GPC5: variants seen among roughly 807,000 people sequenced by gnomAD.
The protein encoded by GPC5 is glypican-5.
GPC5 carries 47 observed loss-of-function variants against 53.9 expected under a neutral mutation model. That is an observed-to-expected ratio of 0.87 (90% CI 0.69 to 1.11). The LOEUF (loss-of-function observed/expected upper bound fraction) is 1.11, where lower values mean the gene tolerates loss of function less well. Among genes scored for constraint, GPC5 ranks in the 50% most tolerant of loss-of-function variants. GPC5 has a pLI of 0.00. For synonymous variants in GPC5, 286 were observed against 263.3 expected, an observed-to-expected ratio of 1.09 and a Z score of -0.84; for missense variants, 748 against 713.1, an observed-to-expected ratio of 1.05 and a Z score of -0.56.
chr13:92,150,967 A>G (rs887309747), intron 7 of GPC5, among the ~76,000 whole-genome samples: 4 of 152,054 alleles, frequency 2.6e-5, no homozygotes, highest in African/African-American at 9.7e-5. Flanking sequence ...ATAGCTATCA[A>G]CAAAACCAGA....
At chr13:92,047,491 A>G (rs1466666199) in intron 6 of GPC5, among the ~76,000 whole-genome samples, 2 of 150,942 alleles carry the variant, frequency 1.3e-5, no homozygotes, top group African/African-American at 2.4e-5. Context: ...TGTATCTCCC[A>G]TATATTCTGA....
At chr13:91,665,362 T>G (rs1003383896) in intron 2 of GPC5, among the ~76,000 whole-genome samples, 4 of 152,232 alleles carry the variant, frequency 2.6e-5, no homozygotes, top group Admixed American at 6.5e-5. Flanking sequence ...CTAACTGGAA[T>G]GAGTTCAAGC....
At chr13:91,948,597 A>G (rs111567188) in intron 6 of GPC5, among the ~76,000 whole-genome samples, 3,215 of 152,286 alleles carry the variant, frequency 0.021, 99 homozygotes, top group African/African-American at 0.073. Flanking sequence ...TCACTTTTTA[A>G]ATGATGTTTA....
intron 7 of GPC5, among the ~76,000 whole-genome samples, chr13:92,776,676 G>A (rs1049732065): frequency 2.0e-5 from 3 of 151,988 alleles, no homozygotes; most frequent in African/African-American, 7.3e-5. Flanking sequence ...TTCTAATTGT[G>A]GGGGAATGTT....
intron 7 of GPC5, among the ~76,000 whole-genome samples, chr13:92,666,521 A>G (rs560583066): frequency 5.3e-5 from 8 of 151,974 alleles, no homozygotes; most frequent in Admixed American, 1.3e-4. Context: ...ATACATAATC[A>G]ATATGTTTAT....
chr13:91,478,822 T>TATATATATATATATATACAC lies in GPC5; in HGVS notation c.325+29901_325+29902insTATATATATATATATACACA, dbSNP rs1323023652. Reference sequence around the variant, plus strand: ...ATATATATATATATATATATATATATACACACACACACATATATATACACA... The same window carrying TATATATATATATATATACAC: ...ATATATATATATATATATATATATATATATATATATATATATACACACACACACACACATATATATACACA... On this transcript the variant is annotated intron_variant, in intron 2 of 7. Coordinates refer to ENST00000377067, the MANE Select transcript of GPC5 (RefSeq NM_004466.6). 6.7e-4 allele frequency among the ~76,000 whole-genome samples: 62 copies of TATATATATATATATATACAC among 92,144 alleles called. 2 individuals are homozygous for TATATATATATATATATACAC. The highest frequency in any genetic ancestry group is 2.8e-3 in the African/African-American group (55 of 19,338). The allele number at this position is 92,144 out of a possible 152,430, so 60.5% of individuals were successfully genotyped here. A position where few individuals can be genotyped will look rare whatever the true frequency, so the allele number is the denominator to read the frequency against.
At chr13:91,896,336 G>T (rs1474227640) in intron 5 of GPC5, among the ~76,000 whole-genome samples, 1 of 152,032 alleles carries the variant, frequency 6.6e-6, no homozygotes, top group African/African-American at 2.4e-5. Flanking sequence ...AGCCAGGATG[G>T]TCTGAATCTC....
intron 7 of GPC5, among the ~76,000 whole-genome samples, chr13:92,289,335 T>C (rs2042978127): frequency 1.3e-5 from 2 of 151,448 alleles, no homozygotes; most frequent in Admixed American, 1.3e-4. Context: ...CTTTCTATAA[T>C]AATGATAATT....
chr13:92,430,055 A>G (rs1373518048), intron 7 of GPC5, among the ~76,000 whole-genome samples: 4 of 152,044 alleles, frequency 2.6e-5, no homozygotes, highest in Non-Finnish European at 5.9e-5. Flanking sequence ...ATGTATAACT[A>G]TTTCAGAACA....
chr13:92,219,093 G>C (rs1378697007), intron 7 of GPC5, among the ~76,000 whole-genome samples: 1 of 151,974 alleles, frequency 6.6e-6, no homozygotes, highest in East Asian at 1.9e-4. Flanking sequence ...CTTTCCTCCT[G>C]TTTTCTCCCA....
At chr13:92,055,633 C>T (rs2041068354) in intron 6 of GPC5, among the ~76,000 whole-genome samples, 2 of 152,164 alleles carry the variant, frequency 1.3e-5, no homozygotes, top group African/African-American at 4.8e-5. Context: ...TCATACCAAA[C>T]AATTTTGAGT....
chr13:92,297,309 C>T (rs1056539697), intron 7 of GPC5, among the ~76,000 whole-genome samples: 18 of 147,860 alleles, frequency 1.2e-4, no homozygotes, highest in African/African-American at 4.0e-4. Context: ...ATATACCAAT[C>T]GGCACTCTGT....
chr13:92,619,648 A>C (rs2139112487), intron 7 of GPC5, among the ~76,000 whole-genome samples: 1 of 152,150 alleles, frequency 6.6e-6, no homozygotes, highest in Admixed American at 6.5e-5. Flanking sequence ...TATTAATGAT[A>C]AAAAATGATT....
At position 91,604,560 on chromosome 13, in the gene GPC5, G is replaced by C. The variant is rs865818101; in HGVS notation, c.326-88627G>C. On this transcript the variant is annotated intron_variant, in intron 2 of 7. Coordinates refer to ENST00000377067, the MANE Select transcript of GPC5 (RefSeq NM_004466.6). ...TCCACAATGGTTGAACTAGTTTACA[G>C]TCCCACCAACAGTGTAAAAGTGTTC... is the stretch of plus-strand genomic sequence containing the variant. Among the ~76,000 whole-genome samples the C allele has an allele frequency of 6.8e-3, 946 of 138,738 alleles. 4 individuals carry two copies. The highest frequency in any genetic ancestry group is 0.015 in the African/African-American group (552 of 36,554). The allele number at this position is 138,738 out of a possible 152,430, so 91.0% of individuals were successfully genotyped here.
At chr13:91,470,392 C>A (rs1882539487) in intron 2 of GPC5, among the ~76,000 whole-genome samples, 1 of 151,988 alleles carries the variant, frequency 6.6e-6, no homozygotes, top group South Asian at 2.1e-4. Flanking sequence ...GGGGATTAGA[C>A]TGATATCAGT....
intron 7 of GPC5, among the ~76,000 whole-genome samples, chr13:92,657,756 C>T (rs1481037588): frequency 1.3e-5 from 2 of 151,906 alleles, no homozygotes; most frequent in African/African-American, 4.8e-5. Flanking sequence ...GATAAGTCTG[C>T]AGAAAACAGG....
chr13:92,398,275 A>G (rs1672107756), intron 7 of GPC5, among the ~76,000 whole-genome samples: 1 of 150,632 alleles, frequency 6.6e-6, no homozygotes. Flanking sequence ...TAAAAATACA[A>G]AAAATTAGCC....
chr13:92,770,394 G>A (rs1443863251), intron 7 of GPC5, among the ~76,000 whole-genome samples: 1 of 130,420 alleles, frequency 7.7e-6, no homozygotes, highest in East Asian at 2.3e-4. Flanking sequence ...CAGCCTGGGT[G>A]ACCTAGTGAG....
chr13:92,090,808 A>G (rs1170902306), intron 6 of GPC5, among the ~76,000 whole-genome samples: 2 of 152,230 alleles, frequency 1.3e-5, no homozygotes, highest in East Asian at 3.8e-4. Flanking sequence ...GAGTTTTAAT[A>G]AGTGTGATAT....
Sources: gnomAD v4.1 joint callset for allele counts (sites outside exome capture counted in the v4.1 genomes callset) on GRCh38, gnomAD v4.1.1 for gene constraint, MANE v1.5 for transcripts, NCBI Gene and HGNC (gene_info 2026-07-23, HGNC 2026-07-21) for gene names.